The following ALMS1 variants were observed in gnomAD, a reference collection of about 807,000 sequenced individuals.
ALMS1 encodes the protein ALMS1 centrosome and basal body associated protein.
Under a neutral mutation model 352.2 loss-of-function variants are expected in ALMS1, and 271 were observed. The observed-to-expected ratio is 0.77, with a 90% confidence interval of 0.70 to 0.85. The LOEUF (loss-of-function observed/expected upper bound fraction) is 0.85, where lower values mean the gene tolerates loss of function less well. Among genes scored for constraint, ALMS1 ranks in the 40% least tolerant of loss-of-function variants. ALMS1 has a pLI of 0.00. For synonymous variants in ALMS1, 1,865 were observed against 1,761.2 expected (o/e 1.06, Z -1.48); for missense variants, 5,445 against 4,870.7 (o/e 1.12, Z -3.51).
chr2:73,473,755 A>C (rs1033236628), intron 9 of ALMS1, among the ~76,000 whole-genome samples: 2 of 152,136 alleles, frequency 1.3e-5, no homozygotes, highest in African/African-American at 4.8e-5. Flanking sequence ...ATTCTTTAGA[A>C]GGATTCAATA....
Position 73,439,452 on chromosome 2 carries a change from T to G in ALMS1, c.1432+7161T>G, listed in dbSNP as rs560692776. Among the ~76,000 whole-genome samples the G allele has an allele frequency of 2.0e-5, 3 of 152,276 alleles. No homozygotes were observed. The East Asian group carries it at 5.8e-4, about 29-fold the overall frequency. ...CTGTCTTTTAGTTTCAACCTTACTA[T>G]GTCATTATGTTTGAAGTGAATTTTT... is the stretch of plus-strand genomic sequence containing the variant. On this transcript the variant is annotated intron_variant, in intron 7 of 22. Transcript: ENST00000613296.
At chr2:73,541,472 C>A (rs1674178181) in intron 12 of ALMS1, among the ~76,000 whole-genome samples, 1 of 152,074 alleles carries the variant, frequency 6.6e-6, no homozygotes. Flanking sequence ...ACTAGAGAAG[C>A]AAGAGCAAAC....
intron 2 of ALMS1, 67 bp downstream of exon 2, chr2:73,408,814 A>G: frequency 7.0e-7 from 1 of 1,433,740 alleles, no homozygotes; most frequent in Non-Finnish European, 9.6e-7. Context: ...TGATTTAGCT[A>G]TGAAGAATGG....
intron 21 of ALMS1, among the ~76,000 whole-genome samples, chr2:73,604,336 T>C (rs1359312194): frequency 6.6e-6 from 1 of 152,210 alleles, no homozygotes; most frequent in Admixed American, 6.5e-5. Context: ...AATTTGAGAC[T>C]GCAGTGAGCT....
At chr2:73,513,744 A>G (rs1358251533) in intron 10 of ALMS1, among the ~76,000 whole-genome samples, 2 of 152,044 alleles carry the variant, frequency 1.3e-5, no homozygotes, top group South Asian at 2.1e-4. Flanking sequence ...CTCCCTCTTC[A>G]TGGAAGCCCT....
chr2:73,420,291 C>A (rs892662349), intron 3 of ALMS1, among the ~76,000 whole-genome samples: 3 of 152,080 alleles, frequency 2.0e-5, no homozygotes, highest in Non-Finnish European at 4.4e-5. Flanking sequence ...AATAACAGTA[C>A]CATGGGATTT....
chr2:73,438,687 A>G (rs1401388928), intron 7 of ALMS1, among the ~76,000 whole-genome samples: 2 of 152,232 alleles, frequency 1.3e-5, no homozygotes, highest in Non-Finnish European at 2.9e-5. Context: ...GCAAAATGTC[A>G]AGGATGGTAC....
intron 12 of ALMS1, among the ~76,000 whole-genome samples, chr2:73,543,162 A>G (rs1674228614): frequency 6.6e-6 from 1 of 152,226 alleles, no homozygotes; most frequent in Admixed American, 6.5e-5. Flanking sequence ...TGGTACCAAA[A>G]CAGAGATATA....
intron 14 of ALMS1, 61 bp downstream of exon 14, chr2:73,557,415 C>A: frequency 6.2e-7 from 1 of 1,603,378 alleles, no homozygotes; most frequent in South Asian, 1.1e-5. Flanking sequence ...GAGACTATTC[C>A]CTTAAGAACA....
chr2:73,607,183 A>G (rs1675834644), intron 21 of ALMS1, among the ~76,000 whole-genome samples: 1 of 152,226 alleles, frequency 6.6e-6, no homozygotes, highest in African/African-American at 2.4e-5. Context: ...TGTTAATCAT[A>G]CTGCATATAC....
chr2:73,460,658 G>A (rs901491498), intron 9 of ALMS1, among the ~76,000 whole-genome samples: 1 of 152,238 alleles, frequency 6.6e-6, no homozygotes, highest in Non-Finnish European at 1.5e-5. Context: ...CACTCGGGAA[G>A]TGCAAGGGGT....
chr2:73,527,004 T>G (rs1157223166), intron 11 of ALMS1, among the ~76,000 whole-genome samples: 3 of 152,094 alleles, frequency 2.0e-5, no homozygotes, highest in Non-Finnish European at 4.4e-5. Context: ...TTAAGAAATG[T>G]TTTTTCATCG....
At chr2:73,531,270 G>C (rs1248632945) in intron 11 of ALMS1, among the ~76,000 whole-genome samples, 1 of 152,186 alleles carries the variant, frequency 6.6e-6, no homozygotes, top group Non-Finnish European at 1.5e-5. Flanking sequence ...GAATAAGCCA[G>C]GTAACCTCTT....
intron 13 of ALMS1, among the ~76,000 whole-genome samples, chr2:73,554,637 T>C (rs1674506232): frequency 6.6e-6 from 1 of 151,890 alleles, no homozygotes; most frequent in Non-Finnish European, 1.5e-5. Flanking sequence ...GGCATGAACC[T>C]GGGAGGCGGA....
intron 7 of ALMS1, among the ~76,000 whole-genome samples, chr2:73,435,270 C>G (rs1387738094): frequency 6.6e-6 from 1 of 152,172 alleles, no homozygotes; most frequent in African/African-American, 2.4e-5. Context: ...ATTGGATTCA[C>G]ATTTTCTGGC....
chr2:73,600,586 A>G (rs1274516322), intron 17 of ALMS1, 92 bp from the exon 18 acceptor site: 67 of 1,198,482 alleles, frequency 5.6e-5, no homozygotes, highest in Non-Finnish European at 7.6e-5. Context: ...GTATTTTTGA[A>G]ACATTAAAAA....
intron 9 of ALMS1, among the ~76,000 whole-genome samples, chr2:73,474,251 A>AT (rs540896324): frequency 3.7e-4 from 57 of 152,170 alleles, no homozygotes; most frequent in African/African-American, 1.3e-3. Flanking sequence ...AAAATTGAGA[A>AT]TTTTTTTAAA....
intron 2 of ALMS1, among the ~76,000 whole-genome samples, chr2:73,413,782 T>C (rs1225861177): frequency 6.6e-6 from 1 of 152,242 alleles, no homozygotes; most frequent in South Asian, 2.1e-4. Flanking sequence ...GTAATTGTTA[T>C]TCTAGCACCA....
At chr2:73,516,358 A>G (rs1415560945) in intron 10 of ALMS1, among the ~76,000 whole-genome samples, 1 of 152,182 alleles carries the variant, frequency 6.6e-6, no homozygotes, top group Non-Finnish European at 1.5e-5. Flanking sequence ...GGAACATAAC[A>G]TAGTTCAGCC....
Sources: allele counts gnomAD v4.1 joint callset (sites outside exome capture counted in the v4.1 genomes callset), GRCh38; gene constraint gnomAD v4.1.1; transcripts MANE v1.5; gene names NCBI Gene and HGNC (gene_info 2026-07-23, HGNC 2026-07-21).